MAP3K5: variants seen among roughly 807,000 people sequenced by gnomAD.
MAP3K5 encodes ASK-1.
A neutral mutation model predicts 158.7 loss-of-function variants in MAP3K5; 56 were observed. The ratio of observed to expected loss-of-function variants is 0.35; its 90% CI spans 0.28 to 0.44. The LOEUF (loss-of-function observed/expected upper bound fraction) is 0.44. Among genes scored for constraint, MAP3K5 ranks in the 20% least tolerant of loss-of-function variants. The pLI is 1.00. For synonymous variants in MAP3K5, 579 were observed against 601.7 expected (o/e 0.96, Z 0.55); for missense variants, 1,294 against 1,674.8 (o/e 0.77, Z 3.97).
chr6:136,629,295 G>A (rs1165738350), intron 14 of MAP3K5: 2 of 152,126 alleles, frequency 1.3e-5, no homozygotes, highest in Non-Finnish European at 2.9e-5. Flanking sequence ...TCACCTCAAA[G>A]ACCCAAATGG....
chr6:136,706,365 C>T (rs774124939), intron 2 of MAP3K5, among the ~76,000 whole-genome samples: 5 of 152,082 alleles, frequency 3.3e-5, no homozygotes, highest in African/African-American at 4.8e-5. Context: ...TATACAGTGC[C>T]TGACACATAA....
intron 11 of MAP3K5, among the ~76,000 whole-genome samples, chr6:136,647,459 G>C (rs1350260425): frequency 1.3e-5 from 2 of 152,074 alleles, no homozygotes; most frequent in African/African-American, 4.8e-5. Context: ...GCTGACCCTG[G>C]GTTCATAATT....
In MAP3K5 at chr6:136,792,017, T is replaced by C; in HGVS notation, c.141A>G (p.Pro47=). The C allele has an allele frequency of 6.4e-7, 1 of 1,567,612 alleles. No homozygotes were observed. The highest frequency in any genetic ancestry group is 8.6e-7 in the Non-Finnish European group (1 of 1,162,500). The change falls in exon 1 of 30, where the codon CCA becomes CCG. Residue 47 remains proline, a synonymous_variant. Transcript: ENST00000359015. This position sits in a 1 kb window ranked among gnomAD's most constrained non-coding sequence, Gnocchi z 5.7. The stretch of plus-strand genomic sequence containing the variant: ...TCCAGAAGCTGCCCGGCGGCGGCGG[T>C]GGCAGCTGGTGCTCCTCGCCCTCGC... ...AVGEGEEHQL[P]PPPPGSFWNV...
At chr6:136,652,455 A>C (rs965763913) in intron 10 of MAP3K5, among the ~76,000 whole-genome samples, 2 of 152,202 alleles carry the variant, frequency 1.3e-5, no homozygotes, top group African/African-American at 4.8e-5. Context: ...TCTTAATTCC[A>C]ATCAACAGAG....
chr6:136,758,234 C>CTGCAAAT (rs1441396615), intron 1 of MAP3K5, among the ~76,000 whole-genome samples: 1 of 152,126 alleles, frequency 6.6e-6, no homozygotes, highest in African/African-American at 2.4e-5. Context: ...CTTCTTTGCC[C>CTGCAAAT]TGCAAATTTG....
intron 1 of MAP3K5, among the ~76,000 whole-genome samples, chr6:136,782,934 CT>C (rs1277053175): frequency 2.0e-5 from 3 of 152,184 alleles, no homozygotes; most frequent in Non-Finnish European, 4.4e-5. Context: ...ATCCTTCCTG[CT>C]TTTCCACTAA....
chr6:136,576,430 G>C (rs1244173885), intron 25 of MAP3K5, among the ~76,000 whole-genome samples: 2 of 152,054 alleles, frequency 1.3e-5, no homozygotes, highest in Admixed American at 6.6e-5. Flanking sequence ...TCCCACCTCA[G>C]CCTCCCAAGT....
chr6:136,689,428 C>G (rs908640089), intron 7 of MAP3K5, among the ~76,000 whole-genome samples: 1 of 152,198 alleles, frequency 6.6e-6, no homozygotes, highest in African/African-American at 2.4e-5. Context: ...TAGGAAACTA[C>G]TGTCCCCAAG....
At chr6:136,625,847 A>C (rs1777010080) in intron 14 of MAP3K5, among the ~76,000 whole-genome samples, 1 of 152,172 alleles carries the variant, frequency 6.6e-6, no homozygotes, top group Non-Finnish European at 1.5e-5. Context: ...TAAGTCAGAA[A>C]TGATAGAATA....
intron 1 of MAP3K5, among the ~76,000 whole-genome samples, chr6:136,724,445 G>T (rs1304538920): frequency 6.6e-6 from 1 of 151,850 alleles, no homozygotes; most frequent in Non-Finnish European, 1.5e-5. Flanking sequence ...ATGGGGTTTC[G>T]CCATGTTGGC....
At chr6:136,649,354 C>T (rs1201883807) in intron 11 of MAP3K5, among the ~76,000 whole-genome samples, 1 of 152,136 alleles carries the variant, frequency 6.6e-6, no homozygotes, top group African/African-American at 2.4e-5. Flanking sequence ...AGCAGCATCC[C>T]CAGGAACCAG....
intron 2 of MAP3K5, among the ~76,000 whole-genome samples, chr6:136,708,546 G>A (rs1470152528): frequency 1.3e-5 from 2 of 152,082 alleles, no homozygotes; most frequent in Non-Finnish European, 1.5e-5. Flanking sequence ...GTGAGCCACC[G>A]TGCCTGGCCA....
intron 25 of MAP3K5, among the ~76,000 whole-genome samples, chr6:136,575,269 C>T (rs572006714): frequency 2.0e-5 from 3 of 151,312 alleles, no homozygotes; most frequent in African/African-American, 7.3e-5. Context: ...TCAATTGATC[C>T]TCTCACCTCA....
At chr6:136,600,549 A>C (rs1183129884) in intron 21 of MAP3K5, among the ~76,000 whole-genome samples, 2 of 152,156 alleles carry the variant, frequency 1.3e-5, no homozygotes, top group Non-Finnish European at 2.9e-5. Flanking sequence ...TCTTAGAGCA[A>C]ATCTACTTTC....
intron 2 of MAP3K5, among the ~76,000 whole-genome samples, chr6:136,710,707 G>A (rs1781270508): frequency 6.6e-6 from 1 of 152,110 alleles, no homozygotes; most frequent in African/African-American, 2.4e-5. Context: ...CTTGGGGTGG[G>A]AGAAGCAGGA....
intron 28 of MAP3K5, among the ~76,000 whole-genome samples, chr6:136,559,835 C>T (rs1830429065): frequency 6.6e-6 from 1 of 152,102 alleles, no homozygotes; most frequent in South Asian, 2.1e-4. Flanking sequence ...TGGCCTCAAG[C>T]TTTTACTTTT....
At chr6:136,652,860 T>G (rs1327841572) in intron 10 of MAP3K5, among the ~76,000 whole-genome samples, 1 of 152,160 alleles carries the variant, frequency 6.6e-6, no homozygotes, top group Non-Finnish European at 1.5e-5. Context: ...TGACAAAATG[T>G]GAGAAATGCA....
intron 7 of MAP3K5, among the ~76,000 whole-genome samples, chr6:136,672,946 C>T (rs1779545671): frequency 1.4e-5 from 2 of 146,834 alleles, no homozygotes; most frequent in Admixed American, 6.9e-5. Flanking sequence ...GCCAAGATCA[C>T]ACCACTGCCC....
intron 28 of MAP3K5, among the ~76,000 whole-genome samples, chr6:136,560,542 A>G (rs1004014243): frequency 1.3e-5 from 2 of 152,208 alleles, no homozygotes; most frequent in African/African-American, 2.4e-5. Flanking sequence ...CAGGTAAAAT[A>G]TGGTTTGTAT....
Sources: allele counts gnomAD v4.1 joint callset (sites outside exome capture counted in the v4.1 genomes callset), GRCh38; gene constraint gnomAD v4.1.1; non-coding constraint Gnocchi (gnomAD v3.1); transcripts MANE v1.5; gene names NCBI Gene and HGNC (gene_info 2026-07-23, HGNC 2026-07-21).